The following ADD3 variants were observed in gnomAD, a reference collection of about 807,000 sequenced individuals.
ADD3 encodes the protein adducin 3.
ADD3 carries 25 observed loss-of-function variants against 80.2 expected under a neutral mutation model. That is an observed-to-expected ratio of 0.31 (90% CI 0.23 to 0.44). The LOEUF is 0.44. ADD3 is among the 20% of genes least tolerant of loss of function. The pLI is 1.00. For synonymous variants in ADD3, 284 were observed against 289.6 expected (o/e 0.98, Z 0.20); for missense variants, 829 against 847.5 (o/e 0.98, Z 0.27).
At chr10:110,118,946 T>C (rs995051404) in intron 6 of ADD3, among the ~76,000 whole-genome samples, 1 of 152,226 alleles carries the variant, frequency 6.6e-6, no homozygotes, top group African/African-American at 2.4e-5. Context: ...ACTAACCAGT[T>C]TGAAAATTGG....
Position 110,113,416 on chromosome 10 carries a change from C to T in ADD3, c.334+501C>T, listed in dbSNP as rs753886573. ...CTGAGTAGCTGGTATTACAGGTGCG[C>T]GCCACCACGCCTGGCTAATTTTTTG... On this transcript the variant is annotated intron_variant, in intron 3 of 14. Coordinates refer to ENST00000356080, the MANE Select transcript of ADD3 (RefSeq NM_016824.5). 3.9e-5 allele frequency among the ~76,000 whole-genome samples: 6 copies of T among 152,154 alleles called. No homozygotes were observed. In the East Asian group the frequency reaches 5.8e-4, roughly 15 times the overall value.
At chr10:110,064,486 C>A (rs186337031) in intron 1 of ADD3, among the ~76,000 whole-genome samples, 23 of 152,286 alleles carry the variant, frequency 1.5e-4, no homozygotes, top group African/African-American at 5.1e-4. Context: ...TCCCTTATAA[C>A]TAATGATGAT....
At chr10:110,109,973 G>A (rs1289079837) in intron 2 of ADD3, among the ~76,000 whole-genome samples, 1 of 151,996 alleles carries the variant, frequency 6.6e-6, no homozygotes, top group African/African-American at 2.4e-5. Context: ...TTTAAATCGT[G>A]TATTTAAATG....
In ADD3 at chr10:110,038,841, A is replaced by T. The variant is rs1218742848; in HGVS notation, c.-30+30542A>T. 4.6e-5 allele frequency among the ~76,000 whole-genome samples: 7 copies of T among 152,370 alleles called. No individual in the cohort carries two copies. The South Asian group carries it at 1.2e-3, about 27-fold the overall frequency. On this transcript the variant is annotated intron_variant, in intron 1 of 14. Transcript: ENST00000356080. ...ATAAGTGTTAGTAACTACACACATT[A>T]TACAACATTAGCATATAACACAGCC...
At chr10:110,113,042 C>A in intron 3 of ADD3, 127 bp downstream of exon 3, 2 of 1,012,128 alleles carry the variant, frequency 2.0e-6, no homozygotes, top group Non-Finnish European at 2.9e-6. Context: ...CTTAGAGTAA[C>A]ATAGTGTTAG....
intron 1 of ADD3, among the ~76,000 whole-genome samples, chr10:110,069,597 T>C (rs1389970297): frequency 1.3e-5 from 2 of 152,154 alleles, no homozygotes; most frequent in Non-Finnish European, 2.9e-5. Context: ...TTGCTTATAC[T>C]TGATGCTTTT....
chr10:110,077,657 C>A (rs754813132), intron 1 of ADD3, among the ~76,000 whole-genome samples: 2 of 152,130 alleles, frequency 1.3e-5, no homozygotes, highest in Non-Finnish European at 2.9e-5. Flanking sequence ...AAGTTCTGTT[C>A]CATGCCTCAT....
At chr10:110,014,545 C>T (rs1232538943) in intron 1 of ADD3, among the ~76,000 whole-genome samples, 1 of 151,956 alleles carries the variant, frequency 6.6e-6, no homozygotes, top group Non-Finnish European at 1.5e-5. Flanking sequence ...TTTTTTGAGA[C>T]AGAGTTTTTT....
At chr10:110,118,523 G>T in intron 5 of ADD3, 64 bp from the exon 6 acceptor site, 1 of 1,458,368 alleles carries the variant, frequency 6.9e-7, no homozygotes, top group Non-Finnish European at 9.6e-7. Flanking sequence ...CCCTGGTTTA[G>T]CTTGTGAAAC....
chr10:110,024,519 T>C (rs1854054471), intron 1 of ADD3, among the ~76,000 whole-genome samples: 1 of 152,222 alleles, frequency 6.6e-6, no homozygotes, highest in Non-Finnish European at 1.5e-5. Flanking sequence ...TGTTTGTAGC[T>C]CCTTGTAATA....
intron 2 of ADD3, among the ~76,000 whole-genome samples, chr10:110,103,118 A>G (rs1191570853): frequency 6.6e-6 from 1 of 152,242 alleles, no homozygotes; most frequent in Non-Finnish European, 1.5e-5. Context: ...GAAAGACTTA[A>G]GAAAGTGTAT....
At chr10:110,039,235 G>A (rs565868052) in intron 1 of ADD3, among the ~76,000 whole-genome samples, 10 of 143,860 alleles carry the variant, frequency 7.0e-5, no homozygotes, top group African/African-American at 3.0e-4. Flanking sequence ...CAGTCAGTCC[G>A]CTACCACCTC....
chr10:110,052,565 C>A (rs1238107251), intron 1 of ADD3, among the ~76,000 whole-genome samples: 1 of 152,196 alleles, frequency 6.6e-6, no homozygotes, highest in African/African-American at 2.4e-5. Context: ...CTTCCCGACC[C>A]CCAGTCTGTG....
intron 6 of ADD3, 127 bp from the exon 7 acceptor site, chr10:110,119,084 A>G: frequency 3.1e-6 from 3 of 967,150 alleles, no homozygotes; most frequent in Non-Finnish European, 3.1e-6. Flanking sequence ...TAAAGTGGGA[A>G]GTGGGCTGCA....
intron 3 of ADD3, among the ~76,000 whole-genome samples, chr10:110,114,411 A>T (rs184943452): frequency 1.3e-5 from 2 of 152,348 alleles, no homozygotes; most frequent in Non-Finnish European, 2.9e-5. Context: ...CTCAGGTAAA[A>T]AGCAGTGCTT....
chr10:110,079,226 A>G (rs1237277897), intron 1 of ADD3: 2 of 152,258 alleles, frequency 1.3e-5, no homozygotes, highest in East Asian at 3.9e-4. Context: ...CCCTTTCTTT[A>G]TCTTCATCAC....
intron 1 of ADD3, among the ~76,000 whole-genome samples, chr10:110,084,261 T>TA (rs1846422628): frequency 1.3e-5 from 2 of 152,336 alleles, no homozygotes; most frequent in Admixed American, 1.3e-4. Context: ...TTTAGATTCT[T>TA]ATGGAAATAA....
intron 1 of ADD3, among the ~76,000 whole-genome samples, chr10:110,047,409 C>T (rs1264078110): frequency 6.6e-6 from 1 of 152,190 alleles, no homozygotes; most frequent in African/African-American, 2.4e-5. Context: ...GATTGCTCAT[C>T]TGTAAATGCA....
chr10:110,133,530 C>T lies in ADD3; in HGVS notation c.2033C>T (p.Pro678Leu), dbSNP rs778728140. ...IEEVLSPEGS[P>L]SKSPSKKKKK... ...GAAGTCCTGTCACCTGAAGGCTCCC[C>T]TTCAAAATCGCCATCCAAGAAAAAG... The change falls in exon 15 of 15, where the codon CCT (proline) becomes CTT (leucine). Residue 678 changes from proline to leucine, a missense_variant. Pro to Leu is a moderately conservative substitution (Grantham distance 98). Coordinates refer to ENST00000356080, the MANE Select transcript of ADD3 (RefSeq NM_016824.5). 4.3e-6 allele frequency: 7 copies of T among 1,612,540 alleles called. No homozygotes were observed. The South Asian group carries it at 6.6e-5, about 15-fold the overall frequency.
Sources: gnomAD v4.1 joint callset for allele counts (sites outside exome capture counted in the v4.1 genomes callset) on GRCh38, gnomAD v4.1.1 for gene constraint, MANE v1.5 for transcripts, NCBI Gene and HGNC (gene_info 2026-07-23, HGNC 2026-07-21) for gene names.